The following RABGAP1L variants were observed in gnomAD, a reference collection of about 807,000 sequenced individuals.
RABGAP1L encodes the protein RAB GTPase activating protein 1 like.
RABGAP1L carries 63 observed loss-of-function variants against 137.7 expected under a neutral mutation model. The ratio of observed to expected loss-of-function variants is 0.46; its 90% CI spans 0.37 to 0.56. The LOEUF (loss-of-function observed/expected upper bound fraction) is 0.56, where lower values mean the gene tolerates loss of function less well. RABGAP1L is among the 20% of genes least tolerant of loss of function. The pLI is 0.00. For synonymous variants in RABGAP1L, 431 were observed against 433.7 expected, an observed-to-expected ratio of 0.99 and a Z score of 0.08; for missense variants, 1,095 against 1,244.0, an observed-to-expected ratio of 0.88 and a Z score of 1.80.
At chr1:174,765,085 C>T (rs1196182992) in intron 18 of RABGAP1L, among the ~76,000 whole-genome samples, 1 of 152,214 alleles carries the variant, frequency 6.6e-6, no homozygotes, top group Non-Finnish European at 1.5e-5. Flanking sequence ...ATGGCTGCAA[C>T]CGTAGGGCAG....
At chr1:174,849,277 T>C (rs565746556) in intron 19 of RABGAP1L, among the ~76,000 whole-genome samples, 6 of 152,108 alleles carry the variant, frequency 3.9e-5, no homozygotes, top group Non-Finnish European at 5.9e-5. Context: ...AGGAAAGCTT[T>C]TACTTTCACT....
intron 14 of RABGAP1L, among the ~76,000 whole-genome samples, chr1:174,662,677 A>AG (rs1676481375): frequency 6.6e-6 from 1 of 152,200 alleles, no homozygotes; most frequent in Non-Finnish European, 1.5e-5. Context: ...TACAGGCATT[A>AG]GCCACTGTGC....
intron 15 of RABGAP1L, among the ~76,000 whole-genome samples, chr1:174,697,320 C>CT (rs141285517): frequency 0.034 from 5,127 of 150,002 alleles, 111 homozygotes; most frequent in Non-Finnish European, 0.053. Flanking sequence ...GTTCAGTTAT[C>CT]TTTTTTTTTT....
intron 13 of RABGAP1L, among the ~76,000 whole-genome samples, chr1:174,567,389 G>T (rs1667657050): frequency 6.6e-6 from 1 of 152,090 alleles, no homozygotes; most frequent in Non-Finnish European, 1.5e-5. Flanking sequence ...TCTGTTATAT[G>T]TGTAGGTCAC....
At chr1:174,642,037 A>T (rs1674570324) in intron 14 of RABGAP1L, among the ~76,000 whole-genome samples, 1 of 152,190 alleles carries the variant, frequency 6.6e-6, no homozygotes, top group African/African-American at 2.4e-5. Context: ...ATAAGACCTA[A>T]GACCAGTTAG....
intron 17 of RABGAP1L, among the ~76,000 whole-genome samples, chr1:174,719,395 G>A (rs1406512028): frequency 6.6e-6 from 1 of 152,090 alleles, no homozygotes; most frequent in African/African-American, 2.4e-5. Context: ...ATATCAAATA[G>A]TACTTTGAAC....
At chr1:174,781,111 T>C (rs1262301529) in intron 18 of RABGAP1L, among the ~76,000 whole-genome samples, 5 of 152,272 alleles carry the variant, frequency 3.3e-5, no homozygotes, top group East Asian at 1.9e-4. Flanking sequence ...GGTCAAATGG[T>C]ATTTCTAGTT....
intron 13 of RABGAP1L, among the ~76,000 whole-genome samples, chr1:174,627,562 G>C (rs1216869446): frequency 6.6e-6 from 1 of 152,188 alleles, no homozygotes; most frequent in Non-Finnish European, 1.5e-5. Flanking sequence ...ATATCTCATA[G>C]AGTTGATTTT....
intron 13 of RABGAP1L, among the ~76,000 whole-genome samples, chr1:174,501,114 A>C (rs1365454638): frequency 6.6e-6 from 1 of 152,156 alleles, no homozygotes; most frequent in Non-Finnish European, 1.5e-5. Flanking sequence ...GGAGTCAAAA[A>C]TCTAGGGCAA....
At chr1:174,327,971 A>ATATATACG (rs1418385861) in intron 11 of RABGAP1L, among the ~76,000 whole-genome samples, 41 of 14,518 alleles carry the variant, frequency 2.8e-3, no homozygotes, top group African/African-American at 0.025. Flanking sequence ...ATATATATAT[A>ATATATACG]TATATATACA....
intron 7 of RABGAP1L, among the ~76,000 whole-genome samples, chr1:174,254,147 T>C (rs1672931192): frequency 6.6e-6 from 1 of 152,122 alleles, no homozygotes. Context: ...TTCCCATCTT[T>C]GAATCCTGCC....
At chr1:174,669,527 C>T (rs2148442866) in intron 14 of RABGAP1L, among the ~76,000 whole-genome samples, 1 of 152,224 alleles carries the variant, frequency 6.6e-6, no homozygotes, top group South Asian at 2.1e-4. Context: ...GTTGTCTGTG[C>T]CTTTGAAGTC....
At chr1:174,630,103 AG>A (rs1304744250) in intron 13 of RABGAP1L, among the ~76,000 whole-genome samples, 5 of 151,304 alleles carry the variant, frequency 3.3e-5, no homozygotes, top group Non-Finnish European at 4.4e-5. Context: ...TTTAGCATGA[AG>A]GGTTGTTGAA....
At position 174,252,617 on chromosome 1, in the gene RABGAP1L, C is replaced by T. The variant is rs775918697; in HGVS notation, c.986+27C>T. 8 of 1,596,628 alleles carry T rather than the reference C, an allele frequency of 5.0e-6. No homozygotes were observed. In the South Asian group the frequency reaches 8.0e-5, roughly 16 times the overall value. ...TAAGCAGCTTGCTCCTAAATGCTAC[C>T]AAAAACTTGTATTGACATTGTTACT... On this transcript the variant is annotated intron_variant, in intron 7 of 25. Coordinates refer to ENST00000681986, the MANE Select transcript of RABGAP1L (RefSeq NM_001366446.1).
chr1:174,258,494 G>T (rs1673307366), intron 7 of RABGAP1L, among the ~76,000 whole-genome samples: 1 of 152,092 alleles, frequency 6.6e-6, no homozygotes, highest in South Asian at 2.1e-4. Flanking sequence ...TCCCTATGCT[G>T]CCCAGGCTGG....
At chr1:174,234,221 G>A (rs1478961923) in intron 4 of RABGAP1L, among the ~76,000 whole-genome samples, 2 of 99,754 alleles carry the variant, frequency 2.0e-5, no homozygotes, top group African/African-American at 6.3e-5. Context: ...TAGGTTGCCT[G>A]TTCACTCTGA....
chr1:174,275,940 C>A lies in RABGAP1L; in HGVS notation c.1156+5C>A. The stretch of plus-strand genomic sequence containing the variant: ...TTAACGAGGAAACCCCAAAAGGTGA[C>A]TTTTCTTAAAAGATCCCTTATTGTT... On this transcript the variant is annotated splice_donor_5th_base_variant and intron_variant, in intron 9 of 25. Coordinates refer to ENST00000681986, the MANE Select transcript of RABGAP1L (RefSeq NM_001366446.1). 6.2e-7 allele frequency: 1 copy of A among 1,604,442 alleles called. No homozygotes were observed. The highest frequency in any genetic ancestry group is 8.5e-7 in the Non-Finnish European group (1 of 1,173,044).
intron 18 of RABGAP1L, among the ~76,000 whole-genome samples, chr1:174,787,384 C>T (rs1380659465): frequency 7.7e-6 from 1 of 130,344 alleles, no homozygotes; most frequent in Non-Finnish European, 1.6e-5. Context: ...GCCTGGGTGA[C>T]AGAGCAAGAC....
intron 19 of RABGAP1L, among the ~76,000 whole-genome samples, chr1:174,923,724 T>C (rs371697525): frequency 6.6e-6 from 1 of 151,516 alleles, no homozygotes; most frequent in East Asian, 1.9e-4. Flanking sequence ...CTACTAAAAA[T>C]ACAAAAATTA....
Sources: gnomAD v4.1 joint callset for allele counts (sites outside exome capture counted in the v4.1 genomes callset) on GRCh38, gnomAD v4.1.1 for gene constraint, MANE v1.5 for transcripts, NCBI Gene and HGNC (gene_info 2026-07-23, HGNC 2026-07-21) for gene names.